Variants in CTNND2 observed in about 807,000 individuals in gnomAD.
CTNND2 encodes the protein catenin delta-2.
Under a neutral mutation model 144.4 loss-of-function variants are expected in CTNND2, and 22 were observed. The ratio of observed to expected loss-of-function variants is 0.15; its 90% confidence interval spans 0.11 to 0.22. The LOEUF is 0.22. Ranked by LOEUF, CTNND2 falls within the 10% of genes least tolerant of loss-of-function variation. CTNND2 has a pLI of 1.00. For synonymous variants in CTNND2, 751 were observed against 695.6 expected (o/e 1.08, Z -1.25); for missense variants, 1,353 against 1,618.8 (o/e 0.84, Z 2.82).
intron 16 of CTNND2, among the ~76,000 whole-genome samples, chr5:11,042,091 A>G (rs1426996721): frequency 6.6e-6 from 1 of 152,180 alleles, no homozygotes; most frequent in Non-Finnish European, 1.5e-5. Flanking sequence ...CATGGCATCC[A>G]TTCCATTTCC....
intron 1 of CTNND2, among the ~76,000 whole-genome samples, chr5:11,857,244 G>T (rs1306618450): frequency 6.6e-6 from 1 of 152,140 alleles, no homozygotes; most frequent in African/African-American, 2.4e-5. Context: ...GCAAACGTTG[G>T]AAAAGAGTCC....
chr5:11,852,760 T>C (rs887287309), intron 1 of CTNND2, among the ~76,000 whole-genome samples: 11 of 152,138 alleles, frequency 7.2e-5, no homozygotes, highest in African/African-American at 2.7e-4. Flanking sequence ...AGCAACAAAA[T>C]ATATGTATTT....
At chr5:11,292,514 G>T (rs757906527) in intron 9 of CTNND2, among the ~76,000 whole-genome samples, 11 of 152,124 alleles carry the variant, frequency 7.2e-5, no homozygotes, top group Non-Finnish European at 1.6e-4. Flanking sequence ...GGTTTCTCCC[G>T]TGCTGTTCTC....
chr5:11,358,776 A>G (rs919781378), intron 8 of CTNND2, among the ~76,000 whole-genome samples: 1 of 151,890 alleles, frequency 6.6e-6, no homozygotes, highest in Admixed American at 6.6e-5. Context: ...ATGTGTAACT[A>G]TTTCACCACA....
intron 1 of CTNND2, among the ~76,000 whole-genome samples, chr5:11,873,791 G>A (rs1735342607): frequency 6.6e-6 from 1 of 152,178 alleles, no homozygotes; most frequent in Admixed American, 6.5e-5. Context: ...CAAGGTGGAG[G>A]CGACAAGGAG....
At chr5:11,869,277 G>A (rs1209249227) in intron 1 of CTNND2, among the ~76,000 whole-genome samples, 1 of 152,158 alleles carries the variant, frequency 6.6e-6, no homozygotes, top group Non-Finnish European at 1.5e-5. Flanking sequence ...GCACACCAAT[G>A]TTCACAGCAG....
chr5:11,072,061 G>A (rs61609595), intron 16 of CTNND2, among the ~76,000 whole-genome samples: 18,693 of 152,168 alleles, frequency 0.12, 2,107 homozygotes, highest in East Asian at 0.58. Flanking sequence ...GACACTGGGG[G>A]TATTAGTCTG....
chr5:11,405,037 G>T (rs548323053), intron 5 of CTNND2, among the ~76,000 whole-genome samples: 4 of 152,274 alleles, frequency 2.6e-5, no homozygotes, highest in South Asian at 4.1e-4. Flanking sequence ...TCTCACTGGG[G>T]CTGGCAGCGT....
At chr5:11,002,685 T>C (rs983805868) in intron 18 of CTNND2, among the ~76,000 whole-genome samples, 1 of 152,246 alleles carries the variant, frequency 6.6e-6, no homozygotes, top group East Asian at 1.9e-4. Flanking sequence ...TGGTGGCTTC[T>C]GACCCTGCTC....
intron 9 of CTNND2, among the ~76,000 whole-genome samples, chr5:11,297,068 T>C (rs2650387): frequency 0.34 from 51,200 of 151,946 alleles, 8,667 homozygotes; most frequent in Middle Eastern, 0.39. Flanking sequence ...AAATACATTG[T>C]ATAATGAACT....
chr5:11,285,076 G>A (rs1262391047), intron 9 of CTNND2, among the ~76,000 whole-genome samples: 1 of 152,162 alleles, frequency 6.6e-6, no homozygotes, highest in Non-Finnish European at 1.5e-5. Flanking sequence ...ATTTAGTTTA[G>A]AGAGAACTCC....
intron 18 of CTNND2, among the ~76,000 whole-genome samples, chr5:11,002,398 A>G (rs1454250961): frequency 6.6e-6 from 1 of 152,242 alleles, no homozygotes; most frequent in Non-Finnish European, 1.5e-5. Context: ...TGAGCAGGTG[A>G]GAGCACCCTA....
chr5:11,821,307 C>A (rs1006995206), intron 1 of CTNND2, among the ~76,000 whole-genome samples: 2 of 152,100 alleles, frequency 1.3e-5, no homozygotes, highest in South Asian at 4.1e-4. Flanking sequence ...GTAGTCTGTA[C>A]AGTGTACTTC....
At chr5:11,778,747 G>T (rs796842935) in intron 1 of CTNND2, among the ~76,000 whole-genome samples, 4 of 152,130 alleles carry the variant, frequency 2.6e-5, no homozygotes, top group African/African-American at 9.7e-5. Context: ...AAACATTGAG[G>T]AAATATGAAT....
intron 2 of CTNND2, among the ~76,000 whole-genome samples, chr5:11,582,426 AAAG>A (rs1778507476): frequency 6.6e-6 from 1 of 152,208 alleles, no homozygotes; most frequent in South Asian, 2.1e-4. Context: ...CAAAACAAAG[AAAG>A]AAAAGAAAAA....
chr5:11,290,818 T>C lies in CTNND2; in HGVS notation c.1629-53995A>G, dbSNP rs551414361. 5.9e-5 allele frequency among the ~76,000 whole-genome samples: 9 copies of C among 152,294 alleles called. No individual in the cohort carries two copies. In the South Asian group the frequency reaches 1.2e-3, roughly 21 times the overall value. On this transcript the variant is annotated intron_variant, in intron 9 of 21. Transcript: ENST00000304623. ...TCTTTTTAAAAAACTCTGATGGTTT[T>C]AACATAAAGTAACCTTCGTTGTTTA...
chr5:11,277,500 ATATTTATTTATTTATTTATTT>A (rs1374343633), intron 9 of CTNND2, among the ~76,000 whole-genome samples: 6 of 136,824 alleles, frequency 4.4e-5, no homozygotes, highest in African/African-American at 1.6e-4. Flanking sequence ...CTTTTTAAAA[ATATTTATTTATTTATTTATTT>A]ATTTATTTAT....
intron 1 of CTNND2, among the ~76,000 whole-genome samples, chr5:11,815,176 C>T (rs1359299453): frequency 6.6e-6 from 1 of 151,868 alleles, no homozygotes; most frequent in Non-Finnish European, 1.5e-5. Flanking sequence ...GTGAAAACTG[C>T]CATGAATAAA....
chr5:11,664,307 T>C (rs1161721524), intron 2 of CTNND2, among the ~76,000 whole-genome samples: 1 of 152,162 alleles, frequency 6.6e-6, no homozygotes, highest in Non-Finnish European at 1.5e-5. Context: ...AAAATTAAAA[T>C]ACAAGCTGGG....
Sources: allele counts gnomAD v4.1 joint callset (sites outside exome capture counted in the v4.1 genomes callset), GRCh38; gene constraint gnomAD v4.1.1; transcripts MANE v1.5; gene names NCBI Gene and HGNC (gene_info 2026-07-23, HGNC 2026-07-21).